PSMA1: variants seen among roughly 807,000 people sequenced by gnomAD.
The protein encoded by PSMA1 is proteasome 20S subunit alpha 1, also known as proteasome subunit alpha type-1.
A neutral mutation model predicts 38.4 loss-of-function variants in PSMA1; 3 were observed. That is an observed-to-expected ratio of 0.08 (90% CI 0.04 to 0.20). PSMA1 has a LOEUF of 0.20. PSMA1 is among the 10% of genes least tolerant of loss of function. The pLI is 1.00. For synonymous variants in PSMA1, 101 were observed against 107.1 expected (o/e 0.94, Z 0.35); for missense variants, 227 against 325.3 (o/e 0.70, Z 2.32).
chr11:14,563,791 C>T (rs1335046197), intron 2 of PSMA1, among the ~76,000 whole-genome samples: 1 of 152,126 alleles, frequency 6.6e-6, no homozygotes, highest in Non-Finnish European at 1.5e-5. Context: ...ATTTCTGATG[C>T]AAATAATTAT....
At chr11:14,552,127 T>A (rs1006109687) in intron 2 of PSMA1, among the ~76,000 whole-genome samples, 7 of 152,126 alleles carry the variant, frequency 4.6e-5, no homozygotes, top group African/African-American at 1.7e-4. Context: ...CTCTAGGAGT[T>A]TCCCTGAGGC....
At chr11:14,568,905 G>T (rs1852104534) in intron 2 of PSMA1, among the ~76,000 whole-genome samples, 1 of 152,200 alleles carries the variant, frequency 6.6e-6, no homozygotes, top group African/African-American at 2.4e-5. Context: ...AGCTGAAGCA[G>T]CTGAGACACA....
At position 14,519,192 on chromosome 11, in the gene PSMA1, G is replaced by A. The variant is rs117444443; in HGVS notation, c.4-151C>T. 2.1e-3 allele frequency: 1,491 copies of A among 716,514 alleles called. 2 individuals are homozygous for A. Among genetic ancestry groups the A allele is most frequent in the Non-Finnish European group, 3.1e-3 (1,214 of 396,946 alleles). The allele number at this position is 716,514 out of a possible 1,614,324, so 44.4% of individuals were successfully genotyped here. ...TGGAAGATTACTACTGTACTCAGAT[G>A]TAAGCCAATTCTACATTTACCATAA... On this transcript the variant is annotated intron_variant, in intron 1 of 9. Coordinates refer to ENST00000396394, the MANE Select transcript of PSMA1 (RefSeq NM_002786.4).
chr11:14,630,639 G>A (rs2097235704), intron 1 of PSMA1, among the ~76,000 whole-genome samples: 1 of 151,282 alleles, frequency 6.6e-6, no homozygotes. Context: ...TTTTTGTTGT[G>A]TCTCTGCCTG....
At chr11:14,623,316 C>T (rs534497499) in intron 1 of PSMA1, among the ~76,000 whole-genome samples, 2 of 152,274 alleles carry the variant, frequency 1.3e-5, no homozygotes, top group South Asian at 4.1e-4. Flanking sequence ...TATGTGAGTA[C>T]AAGCTCAAAA....
At chr11:14,508,415 C>T (rs1298018062) in intron 8 of PSMA1, among the ~76,000 whole-genome samples, 1 of 151,912 alleles carries the variant, frequency 6.6e-6, no homozygotes, top group Admixed American at 6.6e-5. Flanking sequence ...ATTGTTCTAA[C>T]AATTTTCTCA....
chr11:14,519,973 A>C, intron 1 of PSMA1: 1 of 411,468 alleles, frequency 2.4e-6, no homozygotes, highest in Non-Finnish European at 4.4e-6. Context: ...CTCCTCTCCC[A>C]TACACAGCAC....
intron 2 of PSMA1, among the ~76,000 whole-genome samples, chr11:14,576,103 G>A (rs2134180958): frequency 6.6e-6 from 1 of 152,076 alleles, no homozygotes; most frequent in East Asian, 1.9e-4. Context: ...TTTTTGATGG[G>A]GTTGTTTGAT....
At chr11:14,626,427 G>A (rs749867237) in intron 1 of PSMA1, among the ~76,000 whole-genome samples, 6 of 152,096 alleles carry the variant, frequency 3.9e-5, no homozygotes, top group Non-Finnish European at 8.8e-5. Context: ...TCTTGAAACC[G>A]TATCTTATGT....
chr11:14,571,176 C>T (rs550598966), intron 2 of PSMA1, among the ~76,000 whole-genome samples: 2 of 152,336 alleles, frequency 1.3e-5, no homozygotes, highest in South Asian at 2.1e-4. Context: ...CATTCTCCTG[C>T]CTCAGCCTTC....
At chr11:14,512,242 C>T (rs559187657) in intron 7 of PSMA1, among the ~76,000 whole-genome samples, 23 of 152,138 alleles carry the variant, frequency 1.5e-4, no homozygotes, top group South Asian at 6.2e-4. Flanking sequence ...GGCGTGGTGG[C>T]GCATGCCTGC....
chr11:14,622,046 A>T (rs1852852879), intron 1 of PSMA1, among the ~76,000 whole-genome samples: 2 of 152,350 alleles, frequency 1.3e-5, no homozygotes, highest in South Asian at 4.1e-4. Flanking sequence ...TTCATAAAAT[A>T]CATATAGAAT....
rs148632487 is a variant in PSMA1, at chr11:14,574,906, T to C, written c.21+36060A>G. Among the ~76,000 whole-genome samples, 4 of 152,248 alleles carry C rather than the reference T, an allele frequency of 2.6e-5. No homozygotes were observed. The East Asian group carries it at 5.8e-4, about 22-fold the overall frequency. ...TAGTGGGGTGCTGCTATAAGGATAC[T>C]AAAAAATGCAGAAGTGACTTTGGAA... On this transcript the variant is annotated intron_variant, in intron 2 of 10. Coordinates refer to the PSMA1 transcript ENST00000418988.
intron 2 of PSMA1, among the ~76,000 whole-genome samples, chr11:14,564,276 G>A (rs540773630): frequency 6.6e-6 from 1 of 152,032 alleles, no homozygotes; most frequent in South Asian, 2.1e-4. Flanking sequence ...TCTGAAGAAC[G>A]TTTCAAAAAT....
chr11:14,618,628 T>C (rs965099569), intron 1 of PSMA1, among the ~76,000 whole-genome samples: 3 of 152,200 alleles, frequency 2.0e-5, no homozygotes, highest in Admixed American at 6.5e-5. Flanking sequence ...CAAGGCCTGG[T>C]TTTCCAAAAC....
chr11:14,554,489 A>G (rs555112310), intron 2 of PSMA1, among the ~76,000 whole-genome samples: 1 of 152,238 alleles, frequency 6.6e-6, no homozygotes, highest in African/African-American at 2.4e-5. Context: ...TAGTTTTTCT[A>G]TAGGGTGTGA....
intron 2 of PSMA1, among the ~76,000 whole-genome samples, chr11:14,572,624 C>T (rs1457503986): frequency 1.3e-5 from 2 of 152,152 alleles, no homozygotes. Context: ...CAAGAGCAAA[C>T]ACATTCAAAA....
intron 1 of PSMA1, among the ~76,000 whole-genome samples, chr11:14,617,390 T>A (rs1852787513): frequency 1.3e-5 from 2 of 152,166 alleles, no homozygotes; most frequent in South Asian, 2.1e-4. Flanking sequence ...TGTTTCTACT[T>A]CCCCCTTCCT....
chr11:14,531,333 T>C (rs181251211), intron 2 of PSMA1, among the ~76,000 whole-genome samples: 73 of 152,292 alleles, frequency 4.8e-4, no homozygotes, highest in Non-Finnish European at 7.6e-4. Flanking sequence ...TTTGTGTCCA[T>C]ATGTACTCAA....
Sources: gnomAD v4.1 joint callset for allele counts (sites outside exome capture counted in the v4.1 genomes callset) on GRCh38, gnomAD v4.1.1 for gene constraint, MANE v1.5 for transcripts, NCBI Gene and HGNC (gene_info 2026-07-23, HGNC 2026-07-21) for gene names.